TENT4A: variants seen among roughly 807,000 people sequenced by gnomAD.
The protein encoded by TENT4A is DNA polymerase kappa.
Under a neutral mutation model 72.8 loss-of-function variants are expected in TENT4A, and 7 were observed. The ratio of observed to expected loss-of-function variants is 0.10; its 90% CI spans 0.05 to 0.18. The LOEUF is 0.18. Among genes scored for constraint, TENT4A ranks in the 10% least tolerant of loss-of-function variants. TENT4A has a pLI of 1.00. For missense variants in TENT4A, 831 were observed against 1,017.7 expected, an observed-to-expected ratio of 0.82 and a Z score of 2.50; for synonymous variants, 456 against 434.3, an observed-to-expected ratio of 1.05 and a Z score of -0.62.
chr5:6,727,320 G>C (rs1259849973), intron 1 of TENT4A, among the ~76,000 whole-genome samples: 1 of 152,186 alleles, frequency 6.6e-6, no homozygotes, highest in Non-Finnish European at 1.5e-5. Context: ...CTTCCAGGCT[G>C]CATGCAGGCC....
chr5:6,720,599 T>A (rs369769), intron 1 of TENT4A, among the ~76,000 whole-genome samples: 1 of 151,114 alleles, frequency 6.6e-6, no homozygotes, highest in East Asian at 2.0e-4. Flanking sequence ...TCCTTTGAAC[T>A]GGAGAGTTGG....
chr5:6,740,584 G>A (rs1166671164), intron 4 of TENT4A, among the ~76,000 whole-genome samples: 1 of 130,720 alleles, frequency 7.6e-6, no homozygotes, highest in African/African-American at 2.7e-5. Flanking sequence ...AGGGGAGGGG[G>A]CATTCACATG....
intron 11 of TENT4A, chr5:6,751,430 A>T: frequency 2.8e-6 from 1 of 352,506 alleles, no homozygotes; most frequent in Non-Finnish European, 5.1e-6. Flanking sequence ...GTGGCTTTTC[A>T]CGGGGGCCAG....
intron 3 of TENT4A, among the ~76,000 whole-genome samples, chr5:6,739,265 A>G (rs1741675422): frequency 6.6e-6 from 1 of 152,182 alleles, no homozygotes; most frequent in Non-Finnish European, 1.5e-5. Context: ...ACTGCTAGTT[A>G]GCATTTGGAG....
At position 6,752,893 on chromosome 5, in the gene TENT4A, A is replaced by C; in HGVS notation, c.2040A>C (p.Pro680=). The change falls in exon 12 of 13, where the codon CCA becomes CCC. Residue 680 remains proline (P), a synonymous_variant. Coordinates refer to ENST00000230859, the MANE Select transcript of TENT4A (RefSeq NM_006999.6). The part of the protein sequence containing the change: ...TNNQTRFTIP[P]PTLGVAPVPC... ...CCTAGACCAGGTTTACTATACCTCCACCGACCCTAGGGGTTGCTCCTGTTC... is the reference window on the plus strand; with the variant it reads ...CCTAGACCAGGTTTACTATACCTCCCCCGACCCTAGGGGTTGCTCCTGTTC... The C allele has an allele frequency of 6.2e-7, 1 of 1,613,960 alleles. No homozygotes were observed. Among genetic ancestry groups the C allele is most frequent in the Non-Finnish European group, 8.5e-7 (1 of 1,179,932 alleles).
At chr5:6,747,415 C>T (rs1742163974) in intron 7 of TENT4A, among the ~76,000 whole-genome samples, 1 of 152,028 alleles carries the variant, frequency 6.6e-6, no homozygotes, top group Non-Finnish European at 1.5e-5. Flanking sequence ...TATTCAGCTC[C>T]TATACATTTA....
chr5:6,737,909 G>GTT lies in TENT4A; in HGVS notation c.840+293_840+294dup, dbSNP rs374682397. 4.8e-3 allele frequency among the ~76,000 whole-genome samples: 624 copies of GTT among 129,016 alleles called. 9 individuals are homozygous for GTT. Among genetic ancestry groups the GTT allele is most frequent in the Admixed American group, 7.2e-3 (91 of 12,592 alleles). 84.6% of individuals were successfully genotyped at this position (129,016 alleles called of 152,430 possible). On this transcript the variant is annotated intron_variant, in intron 2 of 12. Transcript: ENST00000230859. Reference sequence around the variant, plus strand: ...GACCATCGGCTGAGGGATTTGTTGGGTTTTTTTTTTTTTTTTTTGGAAGGG... The same window carrying GTT: ...GACCATCGGCTGAGGGATTTGTTGGGTTTTTTTTTTTTTTTTTTTTGGAAGGG...
intron 8 of TENT4A, among the ~76,000 whole-genome samples, chr5:6,749,349 C>T (rs551621306): frequency 6.6e-6 from 1 of 152,316 alleles, no homozygotes; most frequent in South Asian, 2.1e-4. Context: ...CAGTGGTCTT[C>T]TGTAGGTAGA....
intron 6 of TENT4A, among the ~76,000 whole-genome samples, chr5:6,745,678 G>T (rs995306395): frequency 6.6e-6 from 1 of 152,182 alleles, no homozygotes; most frequent in Admixed American, 6.5e-5. Flanking sequence ...ACTGAGAGTG[G>T]TGCTCATCTG....
chr5:6,721,660 C>T (rs1039132984), intron 1 of TENT4A, among the ~76,000 whole-genome samples: 3 of 152,122 alleles, frequency 2.0e-5, no homozygotes, highest in Admixed American at 6.5e-5. Flanking sequence ...CATCTGGGCC[C>T]GGGCGGGGTG....
chr5:6,737,089 C>T (rs960719296), intron 1 of TENT4A, among the ~76,000 whole-genome samples: 11 of 152,204 alleles, frequency 7.2e-5, no homozygotes, highest in Admixed American at 4.6e-4. Context: ...TGCTCCTTAG[C>T]GTGAGGCACT....
At chr5:6,754,304 A>G (rs1240703476) in intron 12 of TENT4A, among the ~76,000 whole-genome samples, 1 of 152,034 alleles carries the variant, frequency 6.6e-6, no homozygotes, top group African/African-American at 2.4e-5. Flanking sequence ...GAGTAGCTGG[A>G]ATTACAGGTG....
intron 1 of TENT4A, among the ~76,000 whole-genome samples, chr5:6,720,654 G>A (rs1464358164): frequency 6.6e-6 from 1 of 151,102 alleles, no homozygotes; most frequent in Non-Finnish European, 1.5e-5. Flanking sequence ...CTAGCCTGGT[G>A]ACAGAGCGAG....
chr5:6,723,243 G>A (rs1168919390), intron 1 of TENT4A, among the ~76,000 whole-genome samples: 1 of 138,292 alleles, frequency 7.2e-6, no homozygotes, highest in African/African-American at 2.9e-5. Flanking sequence ...GCAGAGCGCA[G>A]CACAGAGCAA....
chr5:6,751,469 C>T, intron 11 of TENT4A: 1 of 345,754 alleles, frequency 2.9e-6, no homozygotes, highest in Non-Finnish European at 5.3e-6. Context: ...AGTTTCCTCA[C>T]TGCCCCAGCA....
At chr5:6,743,625 C>G in intron 5 of TENT4A, 87 bp from the exon 6 acceptor site, 1 of 1,115,872 alleles carries the variant, frequency 9.0e-7, no homozygotes, top group South Asian at 1.5e-5. Flanking sequence ...AGGAAACTTT[C>G]CTTTCTGTCT....
At chr5:6,730,755 TAAAAAAA>T (rs5865676) in intron 1 of TENT4A, among the ~76,000 whole-genome samples, 5 of 130,050 alleles carry the variant, frequency 3.8e-5, no homozygotes, top group African/African-American at 1.2e-4. Context: ...AGCCTTAATT[TAAAAAAA>T]AAAAAAAAAA....
chr5:6,753,538 C>G (rs1192748965), intron 12 of TENT4A, among the ~76,000 whole-genome samples: 2 of 152,226 alleles, frequency 1.3e-5, no homozygotes, highest in Non-Finnish European at 1.5e-5. Flanking sequence ...CTTGTGGCTC[C>G]TCTCAAGTCC....
In TENT4A at chr5:6,746,237, G is replaced by A; in HGVS notation, c.1269G>A (p.Arg423=). 2 of 1,614,214 alleles carry A rather than the reference G, an allele frequency of 1.2e-6. No individual in the cohort carries two copies. The highest frequency in any genetic ancestry group is 2.7e-5 in the African/African-American group (2 of 75,060). The change falls in exon 7 of 13, where the codon CGG becomes CGA. Residue 423 remains arginine, a synonymous_variant. Transcript: ENST00000230859. The part of the protein sequence containing the change: ...FLQLHPRIDA[R]RADENLGMLL... ...AGTTGCATCCAAGAATTGATGCCCGGAGAGCTGATGAAAACCTTGGAATGC... is the reference window on the plus strand; with the variant it reads ...AGTTGCATCCAAGAATTGATGCCCGAAGAGCTGATGAAAACCTTGGAATGC...
Sources: allele counts gnomAD v4.1 joint callset (sites outside exome capture counted in the v4.1 genomes callset), GRCh38; gene constraint gnomAD v4.1.1; transcripts MANE v1.5; gene names NCBI Gene and HGNC (gene_info 2026-07-23, HGNC 2026-07-21).